The following FUT1 variants were observed in gnomAD, a reference collection of about 807,000 sequenced individuals.
The protein encoded by FUT1 is fucosyltransferase 1 (H blood group).
For synonymous variants in FUT1, 215 were observed against 208.7 expected (o/e 1.03, Z -0.26); for missense variants, 476 against 492.7 (o/e 0.97, Z 0.32).
At chr19:48,755,184 C>A, upstream of FUT1, 1 of 156,990 alleles carries the variant, frequency 6.4e-6, no homozygotes, top group East Asian at 1.8e-4. Context: ...AGTACAGGCC[C>A]AGACCCTCCT....
upstream of FUT1, chr19:48,753,010 G>T: frequency 1.6e-6 from 1 of 637,904 alleles, no homozygotes; most frequent in Non-Finnish European, 2.0e-6. Flanking sequence ...AGGGCTTAGA[G>T]TCGGCCCCCG....
rs779991889 is a variant in FUT1 at position 48,751,107 on chromosome 19, C to A, written c.175G>T (p.Gly59Cys). ...GAGGCGTTGGGGCCCATCGCAGTAC[C>A]CGGCAGGCAGAAGATGGCCACTGGG... The part of the protein sequence containing the change: ...TPPVAIFCLP[G>C]TAMGPNASSS... The change falls in exon 2 of 2, where the codon GGT (glycine) becomes TGT (cysteine). Residue 59 changes from glycine (G) to cysteine (C), a missense_variant. Gly to Cys is a radical substitution (Grantham distance 159). Transcript: ENST00000645652. 1 of 1,613,180 alleles carries A rather than the reference C, an allele frequency of 6.2e-7. No individual in the cohort carries two copies. Among genetic ancestry groups the A allele is most frequent in the Non-Finnish European group, 8.5e-7 (1 of 1,179,320 alleles).
In FUT1 at chr19:48,749,952, T is replaced by C. The variant is rs151066808; in HGVS notation, c.*232A>G. 0.012 allele frequency: 6,870 copies of C among 586,204 alleles called. 83 individuals carry two copies. The highest frequency in any genetic ancestry group is 0.015 in the Non-Finnish European group (4,855 of 333,476). The allele number at this position is 586,204 out of a possible 1,614,324, so 36.3% of individuals were successfully genotyped here. ...GGAAGAGCAGGTGGGCACTGTGGCT[T>C]CTAGAACTGCCTGCCAGCCATCAGG... is the stretch of plus-strand genomic sequence containing the variant. On this transcript the variant is annotated 3_prime_UTR_variant, in exon 2 of 2. Coordinates refer to ENST00000645652, the MANE Select transcript of FUT1 (RefSeq NM_001384359.1).
upstream of FUT1, chr19:48,752,866 C>G (rs748201012): frequency 2.0e-4 from 202 of 985,506 alleles, no homozygotes; most frequent in Non-Finnish European, 2.4e-4. This position sits in a 1 kb window ranked among gnomAD's most constrained non-coding sequence, Gnocchi z 4.3. Flanking sequence ...TTGACCTGCG[C>G]GAAGGCTTCA....
chr19:48,751,321 G>A, intron 1 of FUT1, 38 bp from the exon 2 acceptor site: 1 of 1,607,156 alleles, frequency 6.2e-7, no homozygotes, highest in Non-Finnish European at 8.5e-7. Context: ...AATGCTCTGA[G>A]GCTGAGGAGG....
chr19:48,752,486 T>G lies in FUT1; in HGVS notation c.-3+4A>C, dbSNP rs946624019. 4 of 985,396 alleles carry G rather than the reference T, an allele frequency of 4.1e-6. No individual in the cohort carries two copies. Among genetic ancestry groups the G allele is most frequent in the Non-Finnish European group, 4.8e-6 (4 of 829,916 alleles). The allele number at this position is 985,396 out of a possible 1,614,324, so 61.0% of individuals were successfully genotyped here. ...AACAACTGAGTGGGGCAGTCCCCACTTACCCGAGCTGCTTGCAGGTGGCAG... is the reference window on the plus strand; with the variant it reads ...AACAACTGAGTGGGGCAGTCCCCACGTACCCGAGCTGCTTGCAGGTGGCAG... On this transcript the variant is annotated splice_donor_region_variant and intron_variant, in intron 1 of 1. Coordinates refer to ENST00000645652, the MANE Select transcript of FUT1 (RefSeq NM_001384359.1). The surrounding 1 kb of genome is among the most constrained non-coding windows in gnomAD (Gnocchi z 4.3).
chr19:48,749,941 G>T lies in FUT1; in HGVS notation c.*243C>A. On this transcript the variant is annotated 3_prime_UTR_variant, in exon 2 of 2. Coordinates refer to ENST00000645652, the MANE Select transcript of FUT1 (RefSeq NM_001384359.1). ...GATATGGGCTGGGAAGAGCAGGTGG[G>T]CACTGTGGCTTCTAGAACTGCCTGC... 1 of 560,770 alleles carries T rather than the reference G, an allele frequency of 1.8e-6. No homozygotes were observed. The highest frequency in any genetic ancestry group is 3.2e-6 in the Non-Finnish European group (1 of 314,630). 34.7% of individuals were successfully genotyped at this position (560,770 alleles called of 1,614,324 possible).
At chr19:48,752,928 C>T (rs1568491620), upstream of FUT1, 1 of 983,498 alleles carries the variant, frequency 1.0e-6, no homozygotes, top group Non-Finnish European at 1.2e-6. The surrounding 1 kb of genome is among the most constrained non-coding windows in gnomAD (Gnocchi z 4.3). Flanking sequence ...TTGCGTGGAC[C>T]AGGAGACGGA....
At chr19:48,752,772 C>T, upstream of FUT1, 2 of 985,412 alleles carry the variant, frequency 2.0e-6, no homozygotes, top group Non-Finnish European at 2.4e-6. This position sits in a 1 kb window ranked among gnomAD's most constrained non-coding sequence, Gnocchi z 4.3. Context: ...GCCCCAGCGC[C>T]AGGGGCTAAG....
Position 48,750,668 on chromosome 19 carries a change from C to G in FUT1, c.614G>C (p.Gly205Ala). ...AQSVLGQLRL[G>A]RTGDRPRTFV... is the part of the protein sequence containing the mutation. ...GGTGCGCGGGCGGTCCCCTGTGCGGCCCAGGCGGAGCTGACCCAGCACACT... is the reference window on the plus strand; with the variant it reads ...GGTGCGCGGGCGGTCCCCTGTGCGGGCCAGGCGGAGCTGACCCAGCACACT... Residue 205 changes from glycine to alanine, a missense_variant, in exon 2 of 2, where the codon GGC becomes GCC. Transcript: ENST00000645652. 1 of 1,612,942 alleles carries G rather than the reference C, an allele frequency of 6.2e-7. No homozygotes were observed. The highest frequency in any genetic ancestry group is 8.5e-7 in the Non-Finnish European group (1 of 1,179,972).
At position 48,750,737 on chromosome 19, in the gene FUT1, C is replaced by A. The variant is rs1284994775; in HGVS notation, c.545G>T (p.Arg182Leu). 6.2e-7 allele frequency: 1 copy of A among 1,613,732 alleles called. No homozygotes were observed. Among genetic ancestry groups the A allele is most frequent in the South Asian group, 1.1e-5 (1 of 91,084 alleles). The stretch of plus-strand genomic sequence containing the variant: ...GTGGTCGTGCAGGGTGAACTCTCTG[C>A]GGATCTGTTCCCGGAGATGGTGGAA... The part of the protein sequence containing the change: ...TFFHHLREQI[R>L]REFTLHDHLR... The change falls in exon 2 of 2, where the codon CGC becomes CTC. Residue 182 changes from arginine to leucine, a missense_variant. Coordinates refer to ENST00000645652, the MANE Select transcript of FUT1 (RefSeq NM_001384359.1).
chr19:48,753,718 G>A (rs913496411), upstream of FUT1: 1 of 155,140 alleles, frequency 6.4e-6, no homozygotes, highest in African/African-American at 2.4e-5. Context: ...TACAAGACAA[G>A]GGGGGGCAGG....
upstream of FUT1, chr19:48,752,971 C>T: frequency 1.2e-6 from 1 of 868,712 alleles, no homozygotes; most frequent in Non-Finnish European, 1.4e-6. This position sits in a 1 kb window ranked among gnomAD's most constrained non-coding sequence, Gnocchi z 4.3. Flanking sequence ...CCGGGAGGTC[C>T]AATCCGCCGC....
rs1188299483 is a variant in FUT1, at chr19:48,752,573, G to T, written c.-86C>A. 1 of 985,342 alleles carries T rather than the reference G, an allele frequency of 1.0e-6. No individual in the cohort carries two copies. The highest frequency in any genetic ancestry group is 6.1e-5 in the Admixed American group (1 of 16,262). 61.0% of individuals were successfully genotyped at this position (985,342 alleles called of 1,614,324 possible). The stretch of plus-strand genomic sequence containing the variant: ...CCGCAAAGGCAGGCCACATCCGGCC[G>T]CCCCTGGAACGCCAGGCGTCCGGCT... On this transcript the variant is annotated 5_prime_UTR_variant, in exon 1 of 2. Coordinates refer to ENST00000645652, the MANE Select transcript of FUT1 (RefSeq NM_001384359.1). The surrounding 1 kb of genome is among the most constrained non-coding windows in gnomAD (Gnocchi z 4.3).
Position 48,750,449 on chromosome 19 carries a change from T to A in FUT1, c.833A>T (p.Asp278Val). ...CKENIDTSQG[D>V]VTFAGDGQEA... ...CTGTCCATCGCCAGCAAACGTCACA[T>A]CGCCCTGGGAGGTGTCGATGTTTTC... The change falls in exon 2 of 2, where the codon GAT becomes GTT. Residue 278 changes from aspartate (D) to valine (V), a missense_variant. By Grantham distance (152) the Asp-to-Val change is radical (BLOSUM62 -3). Coordinates refer to ENST00000645652, the MANE Select transcript of FUT1 (RefSeq NM_001384359.1). 2 of 1,614,224 alleles carry A rather than the reference T, an allele frequency of 1.2e-6. No individual in the cohort carries two copies. Among genetic ancestry groups the A allele is most frequent in the Non-Finnish European group, 1.7e-6 (2 of 1,180,044 alleles).
upstream of FUT1, among the ~76,000 whole-genome samples, chr19:48,754,226 C>T (rs940545142): frequency 3.3e-5 from 5 of 151,888 alleles, no homozygotes; most frequent in Non-Finnish European, 4.4e-5. Context: ...TCTTCTACCG[C>T]TATCTACTAC....
chr19:48,748,395 T>A lies in FUT1; in HGVS notation c.*1789A>T, dbSNP rs921258399. The A allele has an allele frequency of 6.6e-6, 1 of 152,356 alleles. No homozygotes were observed. Among genetic ancestry groups the A allele is most frequent in the Non-Finnish European group, 1.5e-5 (1 of 68,080 alleles). 9.4% of individuals were successfully genotyped at this position (152,356 alleles called of 1,614,324 possible). ...GCAATGAGCACGGTACCTGCCAGTT[T>A]GTCACAAGCACAGAGGGTGTGTTTA... On this transcript the variant is annotated 3_prime_UTR_variant, in exon 2 of 2. Coordinates refer to ENST00000645652, the MANE Select transcript of FUT1 (RefSeq NM_001384359.1).
In FUT1 at chr19:48,751,237, T is replaced by G; in HGVS notation, c.45A>C (p.Leu15=). The change falls in exon 2 of 2, where the codon CTA becomes CTC. Residue 15 remains leucine, a synonymous_variant. Transcript: ENST00000645652. The part of the protein sequence containing the change: ...SHRQLCLAFL[L]VCVLSVIFFL... Reference sequence around the variant, plus strand: ...AGAAGATTACAGAGAGGACACAGACTAGCAGGAAGGCCAGGCAGAGCTGAC... The same window carrying G: ...AGAAGATTACAGAGAGGACACAGACGAGCAGGAAGGCCAGGCAGAGCTGAC... 6.2e-7 allele frequency: 1 copy of G among 1,614,016 alleles called. No homozygotes were observed. Among genetic ancestry groups the G allele is most frequent in the Non-Finnish European group, 8.5e-7 (1 of 1,179,996 alleles).
At chr19:48,751,820 G>A (rs1279916930) in intron 1 of FUT1, among the ~76,000 whole-genome samples, 1 of 151,916 alleles carries the variant, frequency 6.6e-6, no homozygotes. Flanking sequence ...GCATGGTGGC[G>A]CATGCCTGTA....
Sources: allele counts gnomAD v4.1 joint callset (sites outside exome capture counted in the v4.1 genomes callset), GRCh38; gene constraint gnomAD v4.1.1; non-coding constraint Gnocchi (gnomAD v3.1); transcripts MANE v1.5; gene names NCBI Gene and HGNC (gene_info 2026-07-23, HGNC 2026-07-21).